Variants in C12orf42 observed in about 807,000 individuals in gnomAD.
C12orf42 encodes uncharacterized protein C12orf42.
Under a neutral mutation model 21.6 loss-of-function variants are expected in C12orf42, and 25 were observed. The ratio of observed to expected loss-of-function variants is 1.16; its 90% CI spans 0.84 to 1.62. C12orf42 has a LOEUF of 1.62. Among genes scored for constraint, C12orf42 ranks in the 40% most tolerant of loss-of-function variants. C12orf42 has a pLI of 0.00. For synonymous variants in C12orf42, 174 were observed against 175.0 expected, an observed-to-expected ratio of 0.99 and a Z score of 0.05; for missense variants, 483 against 459.3, an observed-to-expected ratio of 1.05 and a Z score of -0.47.
intron 10 of C12orf42, among the ~76,000 whole-genome samples, chr12:103,249,898 C>G (rs979809812): frequency 2.0e-5 from 3 of 152,092 alleles, no homozygotes; most frequent in Admixed American, 2.0e-4. Flanking sequence ...CATTGACTCA[C>G]CAGGGCTAGT....
chr12:103,120,806 T>C, the C12orf42 span, among the ~76,000 whole-genome samples: 1 of 149,784 alleles, frequency 6.7e-6, no homozygotes, highest in Non-Finnish European at 1.5e-5. Flanking sequence ...TTTTAACATA[T>C]AACATGTATT....
At chr12:103,321,317 ACC>A (rs2040086563) in intron 4 of C12orf42, among the ~76,000 whole-genome samples, 1 of 151,250 alleles carries the variant, frequency 6.6e-6, no homozygotes, top group Non-Finnish European at 1.5e-5. Context: ...ACAATGAGAT[ACC>A]ATCTCACGCC....
the C12orf42 span, among the ~76,000 whole-genome samples, chr12:103,217,810 C>T: frequency 1.3e-5 from 2 of 152,076 alleles, no homozygotes; most frequent in Admixed American, 6.5e-5. Flanking sequence ...TTGTAGAGCC[C>T]CCCTTACTCC....
chr12:103,218,536 TG>T, the C12orf42 span, among the ~76,000 whole-genome samples: 2 of 152,158 alleles, frequency 1.3e-5, no homozygotes, highest in Non-Finnish European at 2.9e-5. Flanking sequence ...CGAAGTATTC[TG>T]GGAAATGCTT....
the C12orf42 span, among the ~76,000 whole-genome samples, chr12:103,115,267 C>T: frequency 0.061 from 9,254 of 152,124 alleles, 347 homozygotes; most frequent in South Asian, 0.093. Context: ...TTTTTTATTG[C>T]GACCATAAAA....
chr12:103,231,609 G>C, the C12orf42 span, among the ~76,000 whole-genome samples: 1 of 152,086 alleles, frequency 6.6e-6, no homozygotes. Context: ...ATGCATTTAA[G>C]TTTTTTCCAT....
At position 103,376,417 on chromosome 12, in the gene C12orf42, G is replaced by A. The variant is rs1178858264; in HGVS notation, c.148-7419C>T. Reference sequence around the variant, plus strand: ...ACCAGGGCCTGTCGAGGGGTGGGGGGCAAGGGGAAAGAGAGCATTAGGACA... The same window carrying A: ...ACCAGGGCCTGTCGAGGGGTGGGGGACAAGGGGAAAGAGAGCATTAGGACA... On this transcript the variant is annotated intron_variant, in intron 3 of 5. Transcript: ENST00000548883. Among the ~76,000 whole-genome samples the A allele has an allele frequency of 4.6e-5, 7 of 152,036 alleles. No homozygotes were observed. The East Asian group carries it at 7.7e-4, about 17-fold the overall frequency.
chr12:103,488,505 T>G (rs1261513594), intron 1 of C12orf42, among the ~76,000 whole-genome samples: 2 of 152,238 alleles, frequency 1.3e-5, no homozygotes, highest in African/African-American at 4.8e-5. Context: ...CCTGCCTTGG[T>G]AGGTTGAGGA....
chr12:103,077,612 A>G, the C12orf42 span, among the ~76,000 whole-genome samples: 1 of 152,210 alleles, frequency 6.6e-6, no homozygotes, highest in African/African-American at 2.4e-5. Context: ...AGAATTTGGC[A>G]TTCTCAGCTT....
At chr12:103,326,070 C>G (rs894842374) in intron 4 of C12orf42, among the ~76,000 whole-genome samples, 20 of 152,254 alleles carry the variant, frequency 1.3e-4, no homozygotes, top group African/African-American at 4.8e-4. Flanking sequence ...AATTTAATTT[C>G]CTCACAACAA....
At chr12:103,188,836 G>T in the C12orf42 span, among the ~76,000 whole-genome samples, 4 of 152,174 alleles carry the variant, frequency 2.6e-5, no homozygotes, top group Non-Finnish European at 5.9e-5. Context: ...CTACAAAACT[G>T]TGAGCCAAAA....
chr12:103,122,395 C>A, the C12orf42 span, among the ~76,000 whole-genome samples: 394 of 151,628 alleles, frequency 2.6e-3, 4 homozygotes, highest in African/African-American at 9.1e-3. Flanking sequence ...TGTATTCATT[C>A]ATTCATTCAT....
chr12:103,556,658 C>A, the C12orf42 span, among the ~76,000 whole-genome samples: 1 of 152,158 alleles, frequency 6.6e-6, no homozygotes, highest in Admixed American at 6.5e-5. Context: ...AGGGTTCAAA[C>A]TAACAATCTT....
At chr12:103,503,229 C>T in the C12orf42 span, among the ~76,000 whole-genome samples, 1 of 152,188 alleles carries the variant, frequency 6.6e-6, no homozygotes, top group South Asian at 2.1e-4. Context: ...CTCACTGTCA[C>T]CAAGAATTTT....
chr12:103,293,651 A>T (rs769460596), intron 4 of C12orf42, among the ~76,000 whole-genome samples: 14 of 152,070 alleles, frequency 9.2e-5, no homozygotes, highest in Non-Finnish European at 1.9e-4. Context: ...AGAATTTAGA[A>T]TTTTTTCTAT....
chr12:103,492,469 G>T (rs1358652590), intron 1 of C12orf42, among the ~76,000 whole-genome samples: 1 of 152,102 alleles, frequency 6.6e-6, no homozygotes, highest in Non-Finnish European at 1.5e-5. Flanking sequence ...GCTCCTTTCT[G>T]CTAGCTTCTT....
downstream of C12orf42, among the ~76,000 whole-genome samples, chr12:103,265,878 A>G (rs2035145241): frequency 6.6e-6 from 1 of 152,102 alleles, no homozygotes; most frequent in African/African-American, 2.4e-5. Flanking sequence ...ATTAACTGCC[A>G]TCTTGAATCT....
the C12orf42 span, among the ~76,000 whole-genome samples, chr12:103,513,438 T>C: frequency 2.0e-5 from 3 of 152,228 alleles, no homozygotes; most frequent in Non-Finnish European, 4.4e-5. Context: ...CACTGGATTT[T>C]AGTTATGTGA....
chr12:103,386,988 A>G (rs10745963), intron 3 of C12orf42, among the ~76,000 whole-genome samples: 1 of 152,004 alleles, frequency 6.6e-6, no homozygotes, highest in Admixed American at 6.6e-5. Flanking sequence ...TCCACATCCC[A>G]TTCAAATCCC....
Sources: allele counts gnomAD v4.1 joint callset (sites outside exome capture counted in the v4.1 genomes callset), GRCh38; gene constraint gnomAD v4.1.1; transcripts MANE v1.5; gene names NCBI Gene and HGNC (gene_info 2026-07-23, HGNC 2026-07-21).